The following WWOX variants were observed in gnomAD, a reference collection of about 807,000 sequenced individuals.
The protein encoded by WWOX is WW domain containing oxidoreductase.
In WWOX, 69 loss-of-function variants were observed where a neutral mutation model predicts 46.2. The ratio of observed to expected loss-of-function variants is 1.49; its 90% CI spans 1.23 to 1.82. The LOEUF is 1.82. WWOX is among the 40% of genes most tolerant of loss of function. The pLI is 0.00. For missense variants in WWOX, 919 were observed against 542.6 expected, an observed-to-expected ratio of 1.69 and a Z score of -6.89; for synonymous variants, 359 against 202.6, an observed-to-expected ratio of 1.77 and a Z score of -6.56.
intron 8 of WWOX, among the ~76,000 whole-genome samples, chr16:79,172,651 C>G (rs1012668477): frequency 1.3e-5 from 2 of 152,110 alleles, no homozygotes; most frequent in Admixed American, 1.3e-4. Flanking sequence ...CAAAGACAAA[C>G]TGTGAGGTGT....
chr16:78,402,214 A>G (rs569644520), intron 6 of WWOX, among the ~76,000 whole-genome samples: 63 of 152,192 alleles, frequency 4.1e-4, no homozygotes, highest in Non-Finnish European at 8.2e-4. Flanking sequence ...TGGACATTTC[A>G]TATGAGTGGA....
At chr16:78,545,816 G>A (rs1351826001) in intron 8 of WWOX, among the ~76,000 whole-genome samples, 5 of 152,152 alleles carry the variant, frequency 3.3e-5, no homozygotes. Flanking sequence ...CCGCCTTCTT[G>A]CTCTGTCCTC....
At chr16:78,106,641 C>T (rs1406511007) in intron 1 of WWOX, among the ~76,000 whole-genome samples, 1 of 152,078 alleles carries the variant, frequency 6.6e-6, no homozygotes, top group Admixed American at 6.5e-5. Context: ...GTCGCGAACT[C>T]CTGACCTCAG....
chr16:78,648,151 C>G (rs1379181033), intron 8 of WWOX, among the ~76,000 whole-genome samples: 1 of 152,198 alleles, frequency 6.6e-6, no homozygotes, highest in Non-Finnish European at 1.5e-5. Flanking sequence ...GAATACATTA[C>G]CACCTCCCAG....
chr16:78,840,738 G>C (rs2052117681), intron 8 of WWOX, among the ~76,000 whole-genome samples: 1 of 151,644 alleles, frequency 6.6e-6, no homozygotes, highest in African/African-American at 2.4e-5. Context: ...TACCTAGTAG[G>C]TGTGTATGTA....
At chr16:78,805,427 AT>A (rs35556452) in intron 8 of WWOX, among the ~76,000 whole-genome samples, 36 of 147,662 alleles carry the variant, frequency 2.4e-4, no homozygotes, top group South Asian at 8.6e-4. Flanking sequence ...CGCCTGGCTA[AT>A]TTTTTTTTTT....
At chr16:78,752,019 A>T (rs1439049778) in intron 8 of WWOX, among the ~76,000 whole-genome samples, 8 of 152,076 alleles carry the variant, frequency 5.3e-5, no homozygotes, top group African/African-American at 1.9e-4. Flanking sequence ...AAGGAGGAGG[A>T]TGAGGAGAGA....
At chr16:78,336,155 T>A (rs2080883540) in intron 5 of WWOX, among the ~76,000 whole-genome samples, 1 of 151,814 alleles carries the variant, frequency 6.6e-6, no homozygotes, top group South Asian at 2.1e-4. Context: ...GTGATGTTGA[T>A]GCTACTTGTC....
chr16:78,753,279 G>A (rs567714742), intron 8 of WWOX, among the ~76,000 whole-genome samples: 42 of 151,774 alleles, frequency 2.8e-4, no homozygotes, highest in African/African-American at 8.7e-4. Flanking sequence ...CAGCCTGGGC[G>A]ACAGACTCCA....
At chr16:78,104,022 C>G (rs2031973913) in intron 1 of WWOX, among the ~76,000 whole-genome samples, 2 of 152,086 alleles carry the variant, frequency 1.3e-5, no homozygotes, top group Admixed American at 1.3e-4. Flanking sequence ...ACCCCTCTCC[C>G]CTCACAGTCT....
intron 5 of WWOX, among the ~76,000 whole-genome samples, chr16:78,236,315 T>C (rs766144288): frequency 1.3e-5 from 2 of 152,234 alleles, no homozygotes; most frequent in African/African-American, 4.8e-5. Flanking sequence ...GGCCTCCTTA[T>C]ACATACTTAC....
At chr16:78,667,768 G>C (rs1194430353) in intron 8 of WWOX, among the ~76,000 whole-genome samples, 3 of 151,444 alleles carry the variant, frequency 2.0e-5, no homozygotes, top group Admixed American at 2.0e-4. Context: ...ACTCATTTGA[G>C]AGCTCTCTCC....
chr16:78,719,481 T>C (rs542125544), intron 8 of WWOX, among the ~76,000 whole-genome samples: 20 of 152,320 alleles, frequency 1.3e-4, no homozygotes, highest in African/African-American at 4.6e-4. Flanking sequence ...AATGTTATGA[T>C]GGCCCTGGAA....
intron 5 of WWOX, among the ~76,000 whole-genome samples, chr16:78,254,879 C>T (rs1232294434): frequency 1.3e-5 from 2 of 152,154 alleles, no homozygotes; most frequent in Non-Finnish European, 2.9e-5. Flanking sequence ...ACCTCTCATA[C>T]CTCAGCCCCA....
chr16:78,883,222 C>T (rs1490952064), intron 8 of WWOX, among the ~76,000 whole-genome samples: 1 of 152,174 alleles, frequency 6.6e-6, no homozygotes, highest in Non-Finnish European at 1.5e-5. Flanking sequence ...GTAGCCTCCC[C>T]TCTTAAGCTT....
intron 8 of WWOX, among the ~76,000 whole-genome samples, chr16:78,927,336 A>T (rs2045522028): frequency 6.6e-6 from 1 of 152,216 alleles, no homozygotes; most frequent in Non-Finnish European, 1.5e-5. Flanking sequence ...GACCTTAGGC[A>T]AGTCATTTAA....
At position 79,074,409 on chromosome 16, in the gene WWOX, C is replaced by CTTTTTTTTTT. The variant is rs60074156; in HGVS notation, c.1057-137175_1057-137166dup. Reference sequence around the variant, plus strand: ...CATCCTGACTGAAATGTCACTAGTCCTTTTTTTTTTTTTTTTTTTTTTTTT... The same window carrying CTTTTTTTTTT: ...CATCCTGACTGAAATGTCACTAGTCCTTTTTTTTTTTTTTTTTTTTTTTTTTTTTTTTTTT... On this transcript the variant is annotated intron_variant, in intron 8 of 8. Coordinates refer to ENST00000566780, the MANE Select transcript of WWOX (RefSeq NM_016373.4). Among the ~76,000 whole-genome samples, 51 of 30,980 alleles carry CTTTTTTTTTT rather than the reference C, an allele frequency of 1.6e-3. 1 individual carries two copies. Among genetic ancestry groups the CTTTTTTTTTT allele is most frequent in the Non-Finnish European group, 2.2e-3 (39 of 18,134 alleles). The allele number at this position is 30,980 out of a possible 152,430, so 20.3% of individuals were successfully genotyped here.
chr16:79,044,759 A>G (rs571021483), intron 8 of WWOX, among the ~76,000 whole-genome samples: 33 of 152,292 alleles, frequency 2.2e-4, no homozygotes, highest in African/African-American at 7.5e-4. Flanking sequence ...TGAAGAATGG[A>G]AAAGAAGGCA....
At chr16:78,794,296 C>T (rs2050682565) in intron 8 of WWOX, among the ~76,000 whole-genome samples, 1 of 152,160 alleles carries the variant, frequency 6.6e-6, no homozygotes, top group African/African-American at 2.4e-5. Flanking sequence ...GCTTCCAGAA[C>T]CATGAGAAAT....
Sources: gnomAD v4.1 joint callset for allele counts (sites outside exome capture counted in the v4.1 genomes callset) on GRCh38, gnomAD v4.1.1 for gene constraint, MANE v1.5 for transcripts, NCBI Gene and HGNC (gene_info 2026-07-23, HGNC 2026-07-21) for gene names.